MTA3: variants seen among roughly 807,000 people sequenced by gnomAD.
MTA3 encodes metastasis-associated protein MTA3.
A neutral mutation model predicts 83.5 loss-of-function variants in MTA3; 34 were observed. The observed-to-expected ratio is 0.41, with a 90% CI of 0.31 to 0.54. The LOEUF (loss-of-function observed/expected upper bound fraction) is 0.54. MTA3 is among the 20% of genes least tolerant of loss of function. The probability of loss-of-function intolerance (pLI) is 0.33; values close to 1 mark genes in which losing one functional copy is unlikely to be tolerated. For synonymous variants in MTA3, 303 were observed against 252.7 expected (o/e 1.20, Z -1.89); for missense variants, 761 against 726.4 (o/e 1.05, Z -0.55).
At chr2:42,549,564 T>C (rs1161431436) in intron 2 of MTA3, among the ~76,000 whole-genome samples, 2 of 116,444 alleles carry the variant, frequency 1.7e-5, no homozygotes, top group African/African-American at 7.3e-5. Context: ...ATTATATACA[T>C]ATACATATAT....
At chr2:42,586,477 A>AC (rs1680301612) in intron 3 of MTA3, among the ~76,000 whole-genome samples, 1 of 72,698 alleles carries the variant, frequency 1.4e-5, no homozygotes, top group African/African-American at 6.0e-5. Flanking sequence ...AAGGAAGGAA[A>AC]ACACACACAC....
intron 5 of MTA3, among the ~76,000 whole-genome samples, chr2:42,641,569 C>T (rs185359845): frequency 2.0e-3 from 304 of 151,584 alleles, no homozygotes; most frequent in Non-Finnish European, 3.4e-3. Flanking sequence ...TTTTTTCGGC[C>T]GAACGTGGTG....
chr2:42,547,619 C>T (rs956671064), intron 2 of MTA3, among the ~76,000 whole-genome samples: 5 of 152,218 alleles, frequency 3.3e-5, no homozygotes, highest in African/African-American at 1.2e-4. Context: ...GCGTCAACCC[C>T]CGCGCCTGGA....
At position 42,695,817 on chromosome 2, in the gene MTA3, C is replaced by G; in HGVS notation, c.944C>G (p.Thr315Ser). Residue 315 changes from threonine (T) to serine (S), a missense_variant, in exon 10 of 17, where the codon ACT becomes AGT. Physicochemically the swap from Thr to Ser is moderately conservative, Grantham distance 58. Transcript: ENST00000405094. ...ATTGAATATTATTACATGTGGAAAA[C>G]TACTGACAGATATGTGCAACAGGTA... ...SIIEYYYMWKTTDRYVQQKRL... is the reference protein window; with the variant it reads ...SIIEYYYMWKSTDRYVQQKRL... 6.3e-7 allele frequency: 1 copy of G among 1,582,202 alleles called. No individual in the cohort carries two copies. Among genetic ancestry groups the G allele is most frequent in the East Asian group, 2.3e-5 (1 of 43,888 alleles).
At chr2:42,715,463 A>C (rs1226581060) in intron 14 of MTA3, among the ~76,000 whole-genome samples, 2 of 129,122 alleles carry the variant, frequency 1.5e-5, no homozygotes, top group African/African-American at 6.0e-5. Flanking sequence ...CCCAGCCTGG[A>C]GTGCAGTAGC....
chr2:42,748,763 C>A (rs1669636500), intron 16 of MTA3, among the ~76,000 whole-genome samples: 1 of 152,186 alleles, frequency 6.6e-6, no homozygotes, highest in South Asian at 2.1e-4. Context: ...TATTTAAATG[C>A]ATACTGGGTC....
At position 42,695,749 on chromosome 2, in the gene MTA3, T is replaced by A. The variant is rs1693336822; in HGVS notation, c.892-16T>A. 2 of 189,848 alleles carry A rather than the reference T, an allele frequency of 1.1e-5. No individual in the cohort carries two copies. The highest frequency in any genetic ancestry group is 6.9e-6 in the Non-Finnish European group (1 of 144,112). 11.8% of individuals were successfully genotyped at this position (189,848 alleles called of 1,614,324 possible). A position where few individuals can be genotyped will look rare whatever the true frequency, so the allele number is the denominator to read the frequency against. On this transcript the variant is annotated splice_polypyrimidine_tract_variant and intron_variant, in intron 9 of 16. Coordinates refer to ENST00000405094, the MANE Select transcript of MTA3 (RefSeq NM_001330442.2). ...TATGTTAACATAGATGATAGGTTGA[T>A]TTTTTTTTTTTTCAGCTTCCTTGGA...
chr2:42,651,827 G>A (rs1688743404), intron 6 of MTA3, among the ~76,000 whole-genome samples: 1 of 151,732 alleles, frequency 6.6e-6, no homozygotes, highest in African/African-American at 2.4e-5. Context: ...TGGGCATGGT[G>A]GCTCACTCGT....
chr2:42,622,379 A>ATGAGAGGGAGACC (rs1244003377), intron 4 of MTA3, among the ~76,000 whole-genome samples: 2 of 123,780 alleles, frequency 1.6e-5, no homozygotes, highest in Non-Finnish European at 3.3e-5. Context: ...TCGGCTCGGC[A>ATGAGAGGGAGACC]TGAGAGGGAG....
At chr2:42,523,597 G>A (rs1055817194) in intron 2 of MTA3, among the ~76,000 whole-genome samples, 1 of 152,084 alleles carries the variant, frequency 6.6e-6, no homozygotes, top group Admixed American at 6.6e-5. Context: ...TTAAGCCACC[G>A]CATTCTGAAA....
chr2:42,676,437 T>C (rs1224506655), intron 8 of MTA3, among the ~76,000 whole-genome samples: 1 of 152,212 alleles, frequency 6.6e-6, no homozygotes, highest in Non-Finnish European at 1.5e-5. Context: ...ATGCACTTAA[T>C]TCTGTGACTG....
intron 3 of MTA3, among the ~76,000 whole-genome samples, chr2:42,584,103 A>G (rs1679993215): frequency 6.6e-6 from 1 of 152,008 alleles, no homozygotes; most frequent in African/African-American, 2.4e-5. Context: ...TCTGCCTCCC[A>G]AAGTGCTGGA....
At position 42,643,044 on chromosome 2, in the gene MTA3, CCCT is replaced by C. The variant is rs202187279; in HGVS notation, c.382-1082_382-1080del. On this transcript the variant is annotated intron_variant, in intron 5 of 16. Coordinates refer to ENST00000405094, the MANE Select transcript of MTA3 (RefSeq NM_001330442.2). ...TCACATATTGGTGTCTCCCCCCCCC[CCCT>C]TTTTTTTTTAACAGTTTTTTTGTTT... Among the ~76,000 whole-genome samples, 907 of 143,594 alleles carry C rather than the reference CCCT, an allele frequency of 6.3e-3. 15 individuals carry two copies. The highest frequency in any genetic ancestry group is 0.016 in the African/African-American group (632 of 38,594). 94.2% of individuals were successfully genotyped at this position (143,594 alleles called of 152,430 possible).
intron 2 of MTA3, among the ~76,000 whole-genome samples, chr2:42,553,889 A>AAG (rs1677251267): frequency 2.4e-4 from 2 of 8,282 alleles, no homozygotes; most frequent in African/African-American, 2.0e-3. Flanking sequence ...AAAAAAAAAG[A>AAG]AAAAAAAACG....
intron 2 of MTA3, among the ~76,000 whole-genome samples, chr2:42,562,999 C>T (rs1196940408): frequency 1.3e-5 from 2 of 152,106 alleles, no homozygotes; most frequent in East Asian, 1.9e-4. Flanking sequence ...TCACCTCGTG[C>T]CTCCCTAGAG....
intron 4 of MTA3, among the ~76,000 whole-genome samples, chr2:42,631,674 G>T (rs964106851): frequency 6.6e-6 from 1 of 152,122 alleles, no homozygotes; most frequent in African/African-American, 2.4e-5. Flanking sequence ...TACTCTTTTA[G>T]TTATTTTGTA....
chr2:42,697,441 A>G (rs1693488109), intron 10 of MTA3, among the ~76,000 whole-genome samples: 1 of 152,222 alleles, frequency 6.6e-6, no homozygotes, highest in Non-Finnish European at 1.5e-5. Flanking sequence ...CAAATAAGTA[A>G]TAAAGTAGAA....
chr2:42,582,932 C>T lies in MTA3; in HGVS notation c.190+3732C>T, dbSNP rs115311209. Among the ~76,000 whole-genome samples, 275 of 152,136 alleles carry T rather than the reference C, an allele frequency of 1.8e-3. 2 individuals carry two copies. Among genetic ancestry groups the T allele is most frequent in the African/African-American group, 6.3e-3 (261 of 41,498 alleles). On this transcript the variant is annotated intron_variant, in intron 3 of 16. Coordinates refer to ENST00000405094, the MANE Select transcript of MTA3 (RefSeq NM_001330442.2). ...CTCACCACACATTTTAAAGAAAGAC[C>T]TGGGTTCAGATTCTGGTTGGCTGTT...
Position 42,754,293 on chromosome 2 carries a change from C to G in MTA3, c.*894C>G, listed in dbSNP as rs1277043545. 1 of 985,476 alleles carries G rather than the reference C, an allele frequency of 1.0e-6. No homozygotes were observed. The highest frequency in any genetic ancestry group is 1.1e-4 in the East Asian group (1 of 8,818). 61.0% of individuals were successfully genotyped at this position (985,476 alleles called of 1,614,324 possible). ...ACAAATGACCTAGTTTCATTTTAAG[C>G]AGACAGACTCTGTTTGGCCTAGAGG... On this transcript the variant is annotated 3_prime_UTR_variant, in exon 17 of 17. Coordinates refer to ENST00000405094, the MANE Select transcript of MTA3 (RefSeq NM_001330442.2).
Sources: allele counts gnomAD v4.1 joint callset (sites outside exome capture counted in the v4.1 genomes callset), GRCh38; gene constraint gnomAD v4.1.1; transcripts MANE v1.5; gene names NCBI Gene and HGNC (gene_info 2026-07-23, HGNC 2026-07-21).